The following GPR158 variants were observed in gnomAD, a reference collection of about 807,000 sequenced individuals.
The protein encoded by GPR158 is G protein-coupled receptor 158, also known as metabotropic glycine receptor.
GPR158 carries 30 observed loss-of-function variants against 78.2 expected under a neutral mutation model. That is an observed-to-expected ratio of 0.38 (90% CI 0.29 to 0.52). The LOEUF is 0.52. GPR158 is among the 20% of genes least tolerant of loss of function. GPR158 has a pLI of 0.83. For missense variants in GPR158, 1,463 were observed against 1,523.5 expected, an observed-to-expected ratio of 0.96 and a Z score of 0.66; for synonymous variants, 581 against 591.1, an observed-to-expected ratio of 0.98 and a Z score of 0.25.
intron 2 of GPR158, among the ~76,000 whole-genome samples, chr10:25,317,316 G>C (rs976922825): frequency 1.3e-5 from 2 of 152,004 alleles, no homozygotes; most frequent in Non-Finnish European, 2.9e-5. Flanking sequence ...CTAAAGTGCT[G>C]GGATTACAGG....
intron 7 of GPR158, among the ~76,000 whole-genome samples, chr10:25,585,160 T>G (rs142127459): frequency 2.0e-5 from 3 of 152,204 alleles, no homozygotes; most frequent in Non-Finnish European, 4.4e-5. Context: ...TGCAAGCAAA[T>G]AGAAACTAAA....
In GPR158 at chr10:25,598,242, G is replaced by C. The variant is rs138351980; in HGVS notation, c.2616G>C (p.Ser872=). 4 of 1,614,040 alleles carry C rather than the reference G, an allele frequency of 2.5e-6. No individual in the cohort carries two copies. In the South Asian group the frequency reaches 4.4e-5, roughly 18 times the overall value. The change falls in exon 11 of 11, where the codon TCG becomes TCC. Residue 872 remains serine (S), a synonymous_variant. Coordinates refer to ENST00000376351, the MANE Select transcript of GPR158 (RefSeq NM_020752.3). The part of the protein sequence containing the change: ...KEDSEAESTE[S]VPLVCKSASA... The stretch of plus-strand genomic sequence containing the variant: ...ACAGCGAGGCTGAGTCCACGGAGTC[G>C]GTGCCGTTGGTGTGCAAGTCAGCAA...
intron 5 of GPR158, among the ~76,000 whole-genome samples, chr10:25,482,039 T>C (rs572396278): frequency 7.9e-5 from 12 of 152,196 alleles, no homozygotes; most frequent in African/African-American, 2.6e-4. Context: ...TGACCATACC[T>C]TAGCTCTGGC....
At chr10:25,195,362 C>G (rs1035104360) in intron 1 of GPR158, among the ~76,000 whole-genome samples, 2 of 152,022 alleles carry the variant, frequency 1.3e-5, no homozygotes, top group Admixed American at 6.5e-5. Context: ...TGCACCACCA[C>G]ACTGGGCTAA....
intron 6 of GPR158, among the ~76,000 whole-genome samples, chr10:25,563,451 G>A (rs1836885139): frequency 6.6e-6 from 1 of 152,058 alleles, no homozygotes; most frequent in African/African-American, 2.4e-5. Context: ...TCATAAGGAA[G>A]GACTTGTTCC....
intron 2 of GPR158, among the ~76,000 whole-genome samples, chr10:25,307,014 TAC>T (rs1854686670): frequency 8.1e-6 from 1 of 123,232 alleles, no homozygotes; most frequent in African/African-American, 3.8e-5. Context: ...CACACACACA[TAC>T]AGAGAGAGAG....
chr10:25,251,681 C>G (rs1853802167), intron 2 of GPR158, among the ~76,000 whole-genome samples: 1 of 151,626 alleles, frequency 6.6e-6, no homozygotes, highest in Non-Finnish European at 1.5e-5. Flanking sequence ...GCCGAGAGAT[C>G]TGCTGTTAGT....
chr10:25,597,675 A>C, intron 10 of GPR158, 97 bp from the exon 11 acceptor site: 2 of 938,990 alleles, frequency 2.1e-6, no homozygotes, highest in Non-Finnish European at 1.5e-6. Flanking sequence ...GCCCCAAATT[A>C]GAGCCCAAGT....
chr10:25,566,268 G>A (rs1337583578), intron 6 of GPR158, among the ~76,000 whole-genome samples: 1 of 152,104 alleles, frequency 6.6e-6, no homozygotes, highest in Non-Finnish European at 1.5e-5. Flanking sequence ...AATTTTCTCT[G>A]TTTATAGCTT....
intron 2 of GPR158, among the ~76,000 whole-genome samples, chr10:25,243,901 A>C (rs541683926): frequency 3.0e-4 from 45 of 152,304 alleles, no homozygotes; most frequent in African/African-American, 1.0e-3. Context: ...AGGCTTATAT[A>C]CAGAAGACAT....
chr10:25,386,848 C>T (rs374362985), intron 2 of GPR158, among the ~76,000 whole-genome samples: 2 of 152,130 alleles, frequency 1.3e-5, no homozygotes, highest in East Asian at 3.9e-4. Context: ...TTTATTAGTT[C>T]TAGTAGTTTT....
chr10:25,232,843 T>TATTCATAGTTTGG (rs1853469114), intron 2 of GPR158, among the ~76,000 whole-genome samples: 1 of 152,226 alleles, frequency 6.6e-6, no homozygotes, highest in African/African-American at 2.4e-5. Context: ...GGGTTACTAT[T>TATTCATAGTTTGG]GTCTCTAAAA....
chr10:25,251,522 C>A (rs1853799808), intron 2 of GPR158, among the ~76,000 whole-genome samples: 1 of 151,678 alleles, frequency 6.6e-6, no homozygotes, highest in Non-Finnish European at 1.5e-5. Flanking sequence ...GTGACAAAAT[C>A]TCTCAGCATT....
chr10:25,379,002 G>T (rs1834120317), intron 2 of GPR158, among the ~76,000 whole-genome samples: 1 of 152,010 alleles, frequency 6.6e-6, no homozygotes, highest in Non-Finnish European at 1.5e-5. Context: ...TGTTGCCCAG[G>T]CTGGTCTCAA....
intron 2 of GPR158, among the ~76,000 whole-genome samples, chr10:25,372,132 G>T (rs1415686364): frequency 5.9e-5 from 9 of 151,656 alleles, no homozygotes; most frequent in African/African-American, 1.7e-4. Flanking sequence ...GGCCATCAGA[G>T]AAATGCAAAT....
At chr10:25,572,994 T>C (rs1206298504) in intron 7 of GPR158, 107 bp downstream of exon 7, 4 of 711,038 alleles carry the variant, frequency 5.6e-6, no homozygotes, top group African/African-American at 1.7e-5. Flanking sequence ...TAAACTAATC[T>C]CACCTAATGT....
chr10:25,426,602 G>C (rs1425341829), intron 4 of GPR158, among the ~76,000 whole-genome samples: 3 of 152,192 alleles, frequency 2.0e-5, no homozygotes, highest in Admixed American at 6.6e-5. Context: ...CCAGTCAGTG[G>C]AGCAGTCAGA....
intron 2 of GPR158, among the ~76,000 whole-genome samples, chr10:25,271,724 C>T (rs1292965626): frequency 2.6e-5 from 4 of 152,036 alleles, no homozygotes; most frequent in East Asian, 1.9e-4. Flanking sequence ...TGCTATGGTG[C>T]GATCTCGGCT....
intron 2 of GPR158, among the ~76,000 whole-genome samples, chr10:25,310,657 GC>G (rs141859519): frequency 0.03 from 4,625 of 152,088 alleles, 95 homozygotes; most frequent in Non-Finnish European, 0.046. Flanking sequence ...TGAGAAAGTT[GC>G]AAATCTTTTC....
Sources: allele counts gnomAD v4.1 joint callset (sites outside exome capture counted in the v4.1 genomes callset), GRCh38; gene constraint gnomAD v4.1.1; transcripts MANE v1.5; gene names NCBI Gene and HGNC (gene_info 2026-07-23, HGNC 2026-07-21).